Variants in TNFRSF1B observed in about 807,000 individuals in gnomAD.
TNFRSF1B encodes tumor necrosis factor receptor superfamily member 1B.
In TNFRSF1B, 19 loss-of-function variants were observed where a neutral mutation model predicts 44.6. The observed-to-expected ratio is 0.43, with a 90% CI of 0.30 to 0.62. The LOEUF (loss-of-function observed/expected upper bound fraction) is 0.62. TNFRSF1B is among the 20% of genes least tolerant of loss of function. The pLI, the probability that TNFRSF1B is intolerant of heterozygous loss-of-function variation, is 0.16. For missense variants in TNFRSF1B, 541 were observed against 619.9 expected (o/e 0.87, Z 1.35); for synonymous variants, 252 against 261.1 (o/e 0.97, Z 0.34).
chr1:12,181,851 CAT>C (rs1638815866), intron 1 of TNFRSF1B, among the ~76,000 whole-genome samples: 1 of 152,214 alleles, frequency 6.6e-6, no homozygotes, highest in Admixed American at 6.5e-5. Flanking sequence ...CTCCACCTCT[CAT>C]GTGGATGGGC....
At chr1:12,172,277 C>T (rs998162475) in intron 1 of TNFRSF1B, among the ~76,000 whole-genome samples, 4 of 152,198 alleles carry the variant, frequency 2.6e-5, no homozygotes, top group Non-Finnish European at 4.4e-5. Flanking sequence ...GGAAAGGCCC[C>T]GGCCTCTGAA....
intron 3 of TNFRSF1B, 141 bp from the exon 4 acceptor site, chr1:12,191,633 C>A: frequency 4.1e-6 from 4 of 987,210 alleles, no homozygotes; most frequent in Non-Finnish European, 4.6e-6. Context: ...TGGACTCTGG[C>A]CGGTGTTGTG....
chr1:12,183,747 AT>A lies in TNFRSF1B; in HGVS notation c.79-5048del, dbSNP rs1557629243. On this transcript the variant is annotated intron_variant, in intron 1 of 9. Coordinates refer to ENST00000376259, the MANE Select transcript of TNFRSF1B (RefSeq NM_001066.3). The stretch of plus-strand genomic sequence containing the variant: ...TATCTATCTATCTATCTATCTATCT[AT>A]CTAGCTAGCTAGCTAGCTAGCTATC... 4.6e-3 allele frequency among the ~76,000 whole-genome samples: 577 copies of A among 124,928 alleles called. 8 individuals are homozygous for A. The highest frequency in any genetic ancestry group is 6.2e-3 in the Non-Finnish European group (339 of 54,356). The allele number at this position is 124,928 out of a possible 152,430, so 82.0% of individuals were successfully genotyped here.
chr1:12,207,005 G>C lies in TNFRSF1B; in HGVS notation c.1371G>C (p.Gly457=). ...KPLPLGVPDA[G]MKPS ...TGCCCCTTGGAGTGCCTGATGCTGG[G>C]ATGAAGCCCAGTTAACCAGGCCGGT... Residue 457 remains glycine (G), a synonymous_variant, in exon 10 of 10, where the codon GGG becomes GGC. Transcript: ENST00000376259. The C allele has an allele frequency of 6.3e-7, 1 of 1,588,030 alleles. No homozygotes were observed. Among genetic ancestry groups the C allele is most frequent in the Non-Finnish European group, 8.6e-7 (1 of 1,161,604 alleles).
At chr1:12,170,506 TC>T (rs1367800008) in intron 1 of TNFRSF1B, among the ~76,000 whole-genome samples, 3 of 152,188 alleles carry the variant, frequency 2.0e-5, no homozygotes, top group East Asian at 3.8e-4. Context: ...GCACAGTGGC[TC>T]CCCGTAGCAC....
intron 8 of TNFRSF1B, among the ~76,000 whole-genome samples, chr1:12,194,862 T>C (rs1165549300): frequency 1.3e-5 from 2 of 152,210 alleles, no homozygotes; most frequent in Non-Finnish European, 2.9e-5. Context: ...AGGCACGTGG[T>C]CGTGGACCCA....
At position 12,208,636 on chromosome 1, in the gene TNFRSF1B, A is replaced by G. The variant is rs1639566590; in HGVS notation, c.*1616A>G. On this transcript the variant is annotated 3_prime_UTR_variant, in exon 10 of 10. Transcript: ENST00000376259. ...CCTGGAAAGGCTCAGTCTCAGGAGC[A>G]TGGGGATAAAGGAGAAGGCATGAAA... 6.6e-6 allele frequency: 1 copy of G among 152,374 alleles called. No homozygotes were observed. Among genetic ancestry groups the G allele is most frequent in the East Asian group, 1.9e-4 (1 of 5,200 alleles). 9.4% of individuals were successfully genotyped at this position (152,374 alleles called of 1,614,324 possible). A position where few individuals can be genotyped will look rare whatever the true frequency, so the allele number is the denominator to read the frequency against.
chr1:12,182,093 C>T (rs1638825191), intron 1 of TNFRSF1B, among the ~76,000 whole-genome samples: 1 of 152,166 alleles, frequency 6.6e-6, no homozygotes, highest in Non-Finnish European at 1.5e-5. Flanking sequence ...GGGGTTGAGA[C>T]CCAGTCTTCC....
intron 1 of TNFRSF1B, among the ~76,000 whole-genome samples, chr1:12,174,094 C>G (rs1006530928): frequency 6.6e-6 from 1 of 151,748 alleles, no homozygotes; most frequent in South Asian, 2.1e-4. Flanking sequence ...TGGGCTGTGA[C>G]AAGCCACTCT....
chr1:12,192,326 CAG>C (rs748817022), intron 4 of TNFRSF1B, 103 bp from the exon 5 acceptor site: 25 of 912,844 alleles, frequency 2.7e-5, no homozygotes, highest in Non-Finnish European at 4.2e-5. Flanking sequence ...GAGGTGCAGA[CAG>C]AGCTCCTTGG....
intron 2 of TNFRSF1B, among the ~76,000 whole-genome samples, chr1:12,189,795 G>A (rs562700061): frequency 1.3e-4 from 20 of 152,346 alleles, no homozygotes; most frequent in African/African-American, 4.8e-4. Flanking sequence ...TTTTACACAG[G>A]GTGGTCTGGG....
At chr1:12,204,151 GT>G (rs1639450239) in intron 9 of TNFRSF1B, among the ~76,000 whole-genome samples, 1 of 151,820 alleles carries the variant, frequency 6.6e-6, no homozygotes, top group South Asian at 2.1e-4. Flanking sequence ...CTTCTCCCGA[GT>G]CCCCCAGCCC....
intron 7 of TNFRSF1B, among the ~76,000 whole-genome samples, chr1:12,194,347 G>C (rs1429346447): frequency 6.6e-6 from 1 of 152,132 alleles, no homozygotes; most frequent in Non-Finnish European, 1.5e-5. Context: ...GTCTGTGCAG[G>C]GAAGGACACG....
At position 12,192,843 on chromosome 1, in the gene TNFRSF1B, C is replaced by T. The variant is rs1639177815; in HGVS notation, c.552-20C>T. Reference sequence around the variant, plus strand: ...ACTCTGTCCCCTGCTGCCTCCTGACCAAGCCTCCTCCTCCTCCAGCTGTAA... The same window carrying T: ...ACTCTGTCCCCTGCTGCCTCCTGACTAAGCCTCCTCCTCCTCCAGCTGTAA... On this transcript the variant is annotated intron_variant, in intron 5 of 9. Coordinates refer to ENST00000376259, the MANE Select transcript of TNFRSF1B (RefSeq NM_001066.3). 2 of 1,603,504 alleles carry T rather than the reference C, an allele frequency of 1.2e-6. No individual in the cohort carries two copies. Among genetic ancestry groups the T allele is most frequent in the South Asian group, 1.1e-5 (1 of 90,080 alleles).
intron 1 of TNFRSF1B, among the ~76,000 whole-genome samples, chr1:12,176,567 G>A (rs1297521083): frequency 6.6e-6 from 1 of 152,206 alleles, no homozygotes; most frequent in African/African-American, 2.4e-5. Flanking sequence ...TGCCTGCTAA[G>A]AGGGGAGGAG....
Position 12,168,641 on chromosome 1 carries a change from C to A in TNFRSF1B, c.78+1472C>A, listed in dbSNP as rs745713531. ...GTGTCAGGCACAGGGCTCAGCAGGA[C>A]ACCAGGCTGCAGTCCTGGAGTAGCT... On this transcript the variant is annotated intron_variant, in intron 1 of 9. Transcript: ENST00000376259. This position sits in a 1 kb window ranked among gnomAD's most constrained non-coding sequence, Gnocchi z 4.7. Among the ~76,000 whole-genome samples, 5 of 152,148 alleles carry A rather than the reference C, an allele frequency of 3.3e-5. No individual in the cohort carries two copies. The highest frequency in any genetic ancestry group is 2.6e-4 in the Admixed American group (4 of 15,278).
chr1:12,170,026 G>A (rs1638486231), intron 1 of TNFRSF1B, among the ~76,000 whole-genome samples: 1 of 152,214 alleles, frequency 6.6e-6, no homozygotes. Context: ...GGCCCTGGGG[G>A]CTCTTCCCTC....
intron 3 of TNFRSF1B, among the ~76,000 whole-genome samples, chr1:12,191,493 G>C (rs879300275): frequency 6.6e-5 from 10 of 151,720 alleles, no homozygotes; most frequent in Non-Finnish European, 1.2e-4. Flanking sequence ...GGGGAGGAGC[G>C]GGACTTCGGG....
In TNFRSF1B at chr1:12,174,154, T is replaced by TCTC. The variant is rs61272101; in HGVS notation, c.78+6987_78+6988insCCT. Among the ~76,000 whole-genome samples, 292 of 73,594 alleles carry TCTC rather than the reference T, an allele frequency of 4.0e-3. 3 individuals are homozygous for TCTC. Among genetic ancestry groups the TCTC allele is most frequent in the Middle Eastern group, 0.013 (2 of 158 alleles). The allele number at this position is 73,594 out of a possible 152,430, so 48.3% of individuals were successfully genotyped here. A position where few individuals can be genotyped will look rare whatever the true frequency, so the allele number is the denominator to read the frequency against. On this transcript the variant is annotated intron_variant, in intron 1 of 9. Coordinates refer to ENST00000376259, the MANE Select transcript of TNFRSF1B (RefSeq NM_001066.3). ...TTCTTCTTCTTCTTCTTCTTCTTCT[T>TCTC]CTTCTTCTTCTCCTTCTCCTTCTCC...
Sources: gnomAD v4.1 joint callset for allele counts (sites outside exome capture counted in the v4.1 genomes callset) on GRCh38, gnomAD v4.1.1 for gene constraint, Gnocchi (gnomAD v3.1) non-coding constraint, MANE v1.5 for transcripts, NCBI Gene and HGNC (gene_info 2026-07-23, HGNC 2026-07-21) for gene names.